The following CKAP5 variants were observed in gnomAD, a reference collection of about 807,000 sequenced individuals.
CKAP5 encodes the protein cytoskeleton associated protein 5, also known as cytoskeleton-associated protein 5.
A neutral mutation model predicts 232.8 loss-of-function variants in CKAP5; 27 were observed. The ratio of observed to expected loss-of-function variants is 0.12; its 90% CI spans 0.09 to 0.16. The LOEUF (loss-of-function observed/expected upper bound fraction) is 0.16, where lower values mean the gene tolerates loss of function less well. Among genes scored for constraint, CKAP5 ranks in the 10% least tolerant of loss-of-function variants. The pLI is 1.00. For missense variants in CKAP5, 1,838 were observed against 2,424.7 expected (o/e 0.76, Z 5.08); for synonymous variants, 785 against 841.1 (o/e 0.93, Z 1.16).
chr11:46,845,478 T>C (rs1411279540), intron 1 of CKAP5, among the ~76,000 whole-genome samples: 1 of 152,196 alleles, frequency 6.6e-6, no homozygotes, highest in East Asian at 1.9e-4. Flanking sequence ...CACAACGGAA[T>C]GCATTTCAAT....
chr11:46,817,574 C>T (rs1413603839), intron 3 of CKAP5, among the ~76,000 whole-genome samples: 2 of 152,094 alleles, frequency 1.3e-5, no homozygotes, highest in Non-Finnish European at 2.9e-5. Flanking sequence ...CCAGTGATGC[C>T]AGTTAACCAA....
Position 46,744,161 on chromosome 11 carries a change from C to T in CKAP5, c.5961G>A (p.Glu1987=). The stretch of plus-strand genomic sequence containing the variant: ...CTGAATGCTGGTGCTGCTCCCGTGA[C>T]TCCCGGAGCTGAGAGAGTTTGCTGT... ...MLHSKLSQLR[E]SREQHQHSDL... The change falls in exon 44 of 44, where the codon GAG becomes GAA. Residue 1987 remains glutamate, a synonymous_variant. Transcript: ENST00000529230. 1 of 1,614,142 alleles carries T rather than the reference C, an allele frequency of 6.2e-7. No individual in the cohort carries two copies. Among genetic ancestry groups the T allele is most frequent in the Non-Finnish European group, 8.5e-7 (1 of 1,180,036 alleles).
Position 46,809,423 on chromosome 11 carries a change from G to C in CKAP5, c.841C>G (p.Pro281Ala). 6.2e-7 allele frequency: 1 copy of C among 1,609,114 alleles called. No individual in the cohort carries two copies. ...LEAVEILSKL[P>A]KDFYDKIEAK... Reference sequence around the variant, plus strand: ...ACAATTTTGTCATAAAAGTCTTTGGGAAGTTTGGAAAGGATTTCTACAGCT... The same window carrying C: ...ACAATTTTGTCATAAAAGTCTTTGGCAAGTTTGGAAAGGATTTCTACAGCT... The change falls in exon 7 of 44, where the codon CCC (proline) becomes GCC (alanine). Residue 281 changes from proline (P) to alanine (A), a missense_variant. Pro to Ala is a conservative substitution (Grantham distance 27). Around this residue, in one of 6 missense-constraint regions of CKAP5, gnomAD observed 97 missense variants for 167.7 expected, o/e 0.58. Coordinates refer to ENST00000529230, the MANE Select transcript of CKAP5 (RefSeq NM_001008938.4).
rs1232761417 is a variant in CKAP5, at chr11:46,816,247, T to G, written c.409A>C (p.Asn137His). The change falls in exon 4 of 44, where the codon AAT (asparagine) becomes CAT (histidine). Residue 137 changes from asparagine to histidine, a missense_variant. This residue lies in a region of CKAP5 where 285 missense variants were observed against 300.0 expected (regional missense o/e 0.95). Transcript: ENST00000529230. ...ATACAGGCCACTATGATCTTGGGAT[T>G]CTTATTGTCCAAGCCTTTCAGGAGC... ...EELLKGLDNK[N>H]PKIIVACIET... is the part of the protein sequence containing the mutation. The G allele has an allele frequency of 6.2e-7, 1 of 1,614,178 alleles. No homozygotes were observed. The highest frequency in any genetic ancestry group is 8.5e-7 in the Non-Finnish European group (1 of 1,180,014).
rs1335503028 is a variant in CKAP5 at position 46,753,553 on chromosome 11, A to G, written c.4870-56T>C. On this transcript the variant is annotated intron_variant, in intron 36 of 43. Transcript: ENST00000529230. The stretch of plus-strand genomic sequence containing the variant: ...TAAAACTCAATATAGAGAGTAAAGA[A>G]ATGTGGGTGGCATATTCTGATAAAT... 12 of 1,253,696 alleles carry G rather than the reference A, an allele frequency of 9.6e-6. No homozygotes were observed. The Admixed American group carries it at 1.4e-4, about 14-fold the overall frequency. The allele number at this position is 1,253,696 out of a possible 1,614,324, so 77.7% of individuals were successfully genotyped here.
chr11:46,841,068 A>G (rs1424392101), intron 1 of CKAP5, among the ~76,000 whole-genome samples: 6 of 152,134 alleles, frequency 3.9e-5, no homozygotes, highest in Non-Finnish European at 4.4e-5. Flanking sequence ...CAGGAGTTCA[A>G]GACCAGCCTG....
chr11:46,834,740 T>C (rs1006398251), intron 1 of CKAP5, among the ~76,000 whole-genome samples: 2 of 152,174 alleles, frequency 1.3e-5, no homozygotes, highest in Non-Finnish European at 2.9e-5. Context: ...TCTCCCATAT[T>C]AAACATTGCT....
intron 14 of CKAP5, 117 bp downstream of exon 14, chr11:46,790,353 T>C: frequency 1.1e-6 from 1 of 877,318 alleles, no homozygotes; most frequent in Non-Finnish European, 1.8e-6. Context: ...GCAGTTTCAA[T>C]AAGCTAAAAA....
At chr11:46,776,180 A>G in intron 24 of CKAP5, 75 bp downstream of exon 24, 1 of 1,268,752 alleles carries the variant, frequency 7.9e-7, no homozygotes, top group Non-Finnish European at 1.1e-6. Context: ...ATAAATGCGT[A>G]TTTATCAGAC....
intron 24 of CKAP5, among the ~76,000 whole-genome samples, chr11:46,773,019 G>A (rs940908293): frequency 6.6e-6 from 1 of 152,178 alleles, no homozygotes; most frequent in Non-Finnish European, 1.5e-5. Flanking sequence ...TGGGATTACA[G>A]GCGTGAGCCA....
chr11:46,778,714 G>A lies in CKAP5; in HGVS notation c.2434-115C>T. ...TTCCTTTGTAATACCTATTTACACA[G>A]TAGGTAATTTGACTACTACCTAGAT... is the stretch of plus-strand genomic sequence containing the variant. On this transcript the variant is annotated intron_variant, in intron 20 of 43. Coordinates refer to ENST00000529230, the MANE Select transcript of CKAP5 (RefSeq NM_001008938.4). The A allele has an allele frequency of 7.5e-6, 6 of 800,490 alleles. 1 individual carries two copies. The South Asian group carries it at 8.5e-5, about 11-fold the overall frequency. 49.6% of individuals were successfully genotyped at this position (800,490 alleles called of 1,614,324 possible).
chr11:46,792,666 A>G (rs1439150943), intron 13 of CKAP5, among the ~76,000 whole-genome samples: 1 of 152,178 alleles, frequency 6.6e-6, no homozygotes. Context: ...ATATTGTCCT[A>G]CTTATCTTTT....
chr11:46,764,872 T>C (rs1489931705), intron 28 of CKAP5, among the ~76,000 whole-genome samples: 1 of 152,200 alleles, frequency 6.6e-6, no homozygotes, highest in East Asian at 1.9e-4. Flanking sequence ...ATCCAATTAA[T>C]TAAAAAAAAA....
chr11:46,766,333 C>T (rs1392970521), intron 27 of CKAP5, among the ~76,000 whole-genome samples: 1 of 152,140 alleles, frequency 6.6e-6, no homozygotes, highest in Non-Finnish European at 1.5e-5. Flanking sequence ...GCAAAACACT[C>T]GTGATCTAAA....
chr11:46,804,236 A>G (rs1481999754), intron 8 of CKAP5, among the ~76,000 whole-genome samples: 3 of 152,250 alleles, frequency 2.0e-5, no homozygotes, highest in Non-Finnish European at 2.9e-5. Flanking sequence ...AAATAAACTT[A>G]TAAGTGAGCA....
Position 46,760,824 on chromosome 11 carries a change from CAAT to C in CKAP5, c.4222-43_4222-41del, listed in dbSNP as rs1206292793. ...AATTTAGAAACCTAACTGGATAACA[CAAT>C]AATATCTATTTTCATATCAAAACAA... On this transcript the variant is annotated intron_variant, in intron 32 of 43. Transcript: ENST00000529230. 3.2e-6 allele frequency: 5 copies of C among 1,540,172 alleles called. No individual in the cohort carries two copies. In the African/African-American group the frequency reaches 4.1e-5, roughly 13 times the overall value.
chr11:46,840,473 T>C (rs1406100855), intron 1 of CKAP5, among the ~76,000 whole-genome samples: 1 of 152,208 alleles, frequency 6.6e-6, no homozygotes, highest in African/African-American at 2.4e-5. Context: ...CTTAACATAC[T>C]CATTCCCTGT....
intron 28 of CKAP5, among the ~76,000 whole-genome samples, chr11:46,764,446 C>CAT (rs2065185049): frequency 6.6e-6 from 1 of 152,094 alleles, no homozygotes; most frequent in African/African-American, 2.4e-5. Flanking sequence ...GTGATACACA[C>CAT]ATATATACAC....
chr11:46,815,595 C>A (rs374291482), intron 4 of CKAP5, among the ~76,000 whole-genome samples: 7 of 152,210 alleles, frequency 4.6e-5, no homozygotes, highest in African/African-American at 1.4e-4. Flanking sequence ...CTGCCCCCAA[C>A]TGAAAAGCCT....
Sources: gnomAD v4.1 joint callset for allele counts (sites outside exome capture counted in the v4.1 genomes callset) on GRCh38, gnomAD v4.1.1 for gene constraint, gnomAD v4.1.1 regional missense constraint, MANE v1.5 for transcripts, NCBI Gene and HGNC (gene_info 2026-07-23, HGNC 2026-07-21) for gene names.